PCDH15: variants seen among roughly 807,000 people sequenced by gnomAD.
PCDH15 encodes protocadherin-15.
PCDH15 carries 129 observed loss-of-function variants against 178.5 expected under a neutral mutation model. The ratio of observed to expected loss-of-function variants is 0.72; its 90% CI spans 0.63 to 0.84. The LOEUF (loss-of-function observed/expected upper bound fraction) is 0.84, where lower values mean the gene tolerates loss of function less well. PCDH15 is among the 40% of genes least tolerant of loss of function. PCDH15 has a pLI of 0.00. For synonymous variants in PCDH15, 800 were observed against 732.0 expected (o/e 1.09, Z -1.50); for missense variants, 2,230 against 2,099.9 (o/e 1.06, Z -1.21).
At chr10:54,817,530 G>A (rs949373632) in intron 3 of PCDH15, among the ~76,000 whole-genome samples, 4 of 151,824 alleles carry the variant, frequency 2.6e-5, no homozygotes, top group Non-Finnish European at 4.4e-5. Flanking sequence ...CTGTGACCTC[G>A]CCCATCACCT....
intron 7 of PCDH15, among the ~76,000 whole-genome samples, chr10:54,327,493 T>C (rs1226314740): frequency 1.3e-5 from 2 of 150,182 alleles, no homozygotes; most frequent in Non-Finnish European, 3.0e-5. Flanking sequence ...TGAAGAAATA[T>C]AAATAAAAGC....
At chr10:54,818,486 G>T (rs891873450) in intron 3 of PCDH15, among the ~76,000 whole-genome samples, 1 of 152,136 alleles carries the variant, frequency 6.6e-6, no homozygotes, top group East Asian at 1.9e-4. Flanking sequence ...CAGAGGAAGT[G>T]ACTGTAATTT....
chr10:54,600,142 G>A (rs2092457756), intron 2 of PCDH15: 5 of 762,002 alleles, frequency 6.6e-6, no homozygotes, highest in Non-Finnish European at 6.8e-6. Flanking sequence ...GAAGAAAGCT[G>A]AGTCCCTGGT....
At chr10:54,327,433 C>A (rs1342301) in intron 7 of PCDH15, among the ~76,000 whole-genome samples, 104,040 of 148,478 alleles carry the variant, frequency 0.7, 37,188 homozygotes, top group Middle Eastern at 0.81. Flanking sequence ...CATATAACAT[C>A]TTATAATATA....
At chr10:54,888,256 T>C (rs905257820) in intron 3 of PCDH15, among the ~76,000 whole-genome samples, 7 of 152,090 alleles carry the variant, frequency 4.6e-5, no homozygotes, top group Non-Finnish European at 1.0e-4. Context: ...TAGTTTGGGA[T>C]TTCTAGACTT....
chr10:54,393,782 G>T (rs1950845385), intron 3 of PCDH15, among the ~76,000 whole-genome samples: 1 of 151,964 alleles, frequency 6.6e-6, no homozygotes, highest in Admixed American at 6.6e-5. Flanking sequence ...ACTTTTTAGG[G>T]AAAAAAGACA....
chr10:54,487,695 A>C (rs1180145058), intron 3 of PCDH15, among the ~76,000 whole-genome samples: 4 of 151,962 alleles, frequency 2.6e-5, no homozygotes, highest in South Asian at 2.1e-4. Context: ...GTTATTAACT[A>C]TACAGTTTTC....
At chr10:54,927,785 T>C (rs1319921656) in intron 2 of PCDH15, among the ~76,000 whole-genome samples, 1 of 152,142 alleles carries the variant, frequency 6.6e-6, no homozygotes, top group Non-Finnish European at 1.5e-5. Flanking sequence ...TTCCATTTGC[T>C]TGGTAGATAT....
chr10:54,600,940 T>A (rs1029816195), intron 2 of PCDH15, among the ~76,000 whole-genome samples: 5 of 151,962 alleles, frequency 3.3e-5, no homozygotes, highest in Admixed American at 2.6e-4. Context: ...GAAGGGGAGA[T>A]GTCTTGAGAT....
chr10:53,846,049 C>CACAAAA (rs1247370119), intron 28 of PCDH15, among the ~76,000 whole-genome samples: 14 of 150,280 alleles, frequency 9.3e-5, no homozygotes, highest in African/African-American at 3.4e-4. Flanking sequence ...CACACACACA[C>CACAAAA]AAACAAAAAA....
rs1220944537 is a variant in PCDH15 at position 55,614,127 on chromosome 10, G to T, written c.-156+13498C>A. The stretch of plus-strand genomic sequence containing the variant: ...AGACTCCATCTCAAAAAAAAAAAAA[G>T]AAAAGTAACAAAACTCTTTTCCTCT... On this transcript the variant is annotated intron_variant, in intron 2 of 5. Transcript: ENST00000613346. Among the ~76,000 whole-genome samples, 6 of 144,156 alleles carry T rather than the reference G, an allele frequency of 4.2e-5. No homozygotes were observed. The East Asian group carries it at 1.2e-3, about 30-fold the overall frequency. The allele number at this position is 144,156 out of a possible 152,430, so 94.6% of individuals were successfully genotyped here. A position where few individuals can be genotyped will look rare whatever the true frequency, so the allele number is the denominator to read the frequency against.
chr10:55,184,313 A>T (rs900782757), intron 1 of PCDH15, among the ~76,000 whole-genome samples: 3 of 152,012 alleles, frequency 2.0e-5, no homozygotes, highest in Non-Finnish European at 4.4e-5. Flanking sequence ...GCCATAGAGA[A>T]TATAGAGAGT....
chr10:53,871,176 T>TA (rs35624563), intron 26 of PCDH15, among the ~76,000 whole-genome samples: 134 of 144,222 alleles, frequency 9.3e-4, no homozygotes, highest in African/African-American at 2.5e-3. Flanking sequence ...TACTAAAAAT[T>TA]AAAAAAAAAA....
At chr10:54,413,128 C>A (rs1040092848) in intron 3 of PCDH15, among the ~76,000 whole-genome samples, 4 of 152,044 alleles carry the variant, frequency 2.6e-5, no homozygotes, top group Admixed American at 2.6e-4. Flanking sequence ...GTATTGTATT[C>A]TAGTTGTTTG....
At position 54,216,389 on chromosome 10, in the gene PCDH15, T is replaced by C. The variant is rs7083766; in HGVS notation, c.986-2341A>G. 8.1e-3 allele frequency among the ~76,000 whole-genome samples: 1,235 copies of C among 152,116 alleles called. 11 individuals carry two copies. The highest frequency in any genetic ancestry group is 0.026 in the African/African-American group (1,069 of 41,514). Reference sequence around the variant, plus strand: ...GAGAATCACTTGAACCCGGGAGACATGGAGGTTGCGTGAGCTGAGATTGTG... The same window carrying C: ...GAGAATCACTTGAACCCGGGAGACACGGAGGTTGCGTGAGCTGAGATTGTG... On this transcript the variant is annotated intron_variant, in intron 9 of 37. Coordinates refer to ENST00000644397, the MANE Select transcript of PCDH15 (RefSeq NM_001384140.1).
intron 1 of PCDH15, among the ~76,000 whole-genome samples, chr10:55,242,410 A>C (rs1841568061): frequency 6.6e-6 from 1 of 151,826 alleles, no homozygotes; most frequent in Non-Finnish European, 1.5e-5. Flanking sequence ...AATTTATATT[A>C]GTTACAGAAC....
At chr10:54,457,695 T>A (rs1017839054) in intron 3 of PCDH15, among the ~76,000 whole-genome samples, 1 of 152,176 alleles carries the variant, frequency 6.6e-6, no homozygotes, top group South Asian at 2.1e-4. Flanking sequence ...CAATATTTTT[T>A]AAAATACTTA....
chr10:55,350,716 TA>T (rs1318742743), intron 2 of PCDH15, among the ~76,000 whole-genome samples: 1 of 152,090 alleles, frequency 6.6e-6, no homozygotes, highest in Non-Finnish European at 1.5e-5. Context: ...TTCATGTTAT[TA>T]AACCTAAATA....
chr10:55,432,902 G>T (rs1396387171), intron 2 of PCDH15, among the ~76,000 whole-genome samples: 1 of 151,798 alleles, frequency 6.6e-6, no homozygotes, highest in African/African-American at 2.4e-5. Flanking sequence ...GGGATTACAG[G>T]CGTGAGAAGT....
Sources: allele counts gnomAD v4.1 joint callset (sites outside exome capture counted in the v4.1 genomes callset), GRCh38; gene constraint gnomAD v4.1.1; transcripts MANE v1.5; gene names NCBI Gene and HGNC (gene_info 2026-07-23, HGNC 2026-07-21).